The following DPP10 variants were observed in gnomAD, a reference collection of about 807,000 sequenced individuals.
DPP10 encodes the protein dipeptidyl peptidase like 10.
Under a neutral mutation model 120.9 loss-of-function variants are expected in DPP10, and 33 were observed. The observed-to-expected ratio is 0.27, with a 90% CI of 0.21 to 0.37. The LOEUF is 0.37. DPP10 is among the 10% of genes least tolerant of loss of function. The probability of loss-of-function intolerance (pLI) is 1.00; values close to 1 mark genes in which losing one functional copy is unlikely to be tolerated. For synonymous variants in DPP10, 337 were observed against 326.1 expected (o/e 1.03, Z -0.36); for missense variants, 816 against 942.8 (o/e 0.87, Z 1.76).
At chr2:115,354,030 T>C (rs916536618) in intron 3 of DPP10, among the ~76,000 whole-genome samples, 2 of 152,208 alleles carry the variant, frequency 1.3e-5, no homozygotes, top group Non-Finnish European at 2.9e-5. Flanking sequence ...AATGTTTAGA[T>C]ATTTTTAGAA....
intron 2 of DPP10, among the ~76,000 whole-genome samples, chr2:115,325,272 A>G (rs1332451340): frequency 6.6e-6 from 1 of 152,178 alleles, no homozygotes; most frequent in Non-Finnish European, 1.5e-5. Context: ...TGTATTGACC[A>G]GTGACAAATT....
chr2:114,731,619 T>G (rs1022427797), intron 1 of DPP10, among the ~76,000 whole-genome samples: 2 of 152,132 alleles, frequency 1.3e-5, no homozygotes, highest in African/African-American at 4.8e-5. Flanking sequence ...TATGTCCAAT[T>G]TATTCCTACA....
intron 1 of DPP10, among the ~76,000 whole-genome samples, chr2:114,817,154 T>C (rs921106945): frequency 6.6e-6 from 1 of 152,206 alleles, no homozygotes; most frequent in Non-Finnish European, 1.5e-5. Flanking sequence ...CTCAATCAAA[T>C]GCCAATGGCA....
chr2:115,469,900 G>A (rs1666951), intron 3 of DPP10, among the ~76,000 whole-genome samples: 49,315 of 87,752 alleles, frequency 0.56, 11,382 homozygotes, highest in Admixed American at 0.68. Context: ...AAAAAAAAAA[G>A]AAAAAAAAAA....
intron 5 of DPP10, among the ~76,000 whole-genome samples, chr2:115,609,870 T>C (rs1575326645): frequency 6.6e-6 from 1 of 152,206 alleles, no homozygotes; most frequent in African/African-American, 2.4e-5. Context: ...CCATATTGAA[T>C]GGTTGGAATG....
Position 114,752,972 on chromosome 2 carries a change from C to T in DPP10, c.60+310134C>T, listed in dbSNP as rs116192624. 6.8e-3 allele frequency among the ~76,000 whole-genome samples: 1,038 copies of T among 152,284 alleles called. 18 individuals carry two copies. The highest frequency in any genetic ancestry group is 0.023 in the African/African-American group (944 of 41,542). On this transcript the variant is annotated intron_variant, in intron 1 of 25. Coordinates refer to ENST00000410059, the MANE Select transcript of DPP10 (RefSeq NM_020868.6). ...CACGGGCAGCACTGGATCCTGTGAG[C>T]ATCCCTTGATGGGGACCTGCCCATG...
At chr2:115,716,733 C>T (rs538317104) in intron 7 of DPP10, among the ~76,000 whole-genome samples, 2 of 147,988 alleles carry the variant, frequency 1.4e-5, no homozygotes, top group Middle Eastern at 3.4e-3. Flanking sequence ...AACAAACAAA[C>T]ACTATTTATT....
chr2:115,337,180 C>G (rs2063191644), intron 2 of DPP10, among the ~76,000 whole-genome samples: 2 of 151,144 alleles, frequency 1.3e-5, no homozygotes. Flanking sequence ...TTAGTGAATG[C>G]TGTGACATTT....
At chr2:115,667,235 ATAGAT>A (rs1369755482) in intron 5 of DPP10, among the ~76,000 whole-genome samples, 3 of 152,060 alleles carry the variant, frequency 2.0e-5, no homozygotes, top group Non-Finnish European at 4.4e-5. Flanking sequence ...TAAGTTCCTT[ATAGAT>A]TCTGGATATT....
At chr2:115,221,492 TTAA>T (rs2057155441) in intron 1 of DPP10, among the ~76,000 whole-genome samples, 1 of 151,958 alleles carries the variant, frequency 6.6e-6, no homozygotes, top group South Asian at 2.1e-4. Flanking sequence ...GAAAAGAGAG[TTAA>T]TAATAAAAGG....
chr2:114,618,897 A>G (rs1573805644), intron 1 of DPP10, among the ~76,000 whole-genome samples: 2 of 152,104 alleles, frequency 1.3e-5, no homozygotes, highest in East Asian at 1.9e-4. Flanking sequence ...TTTGCGTTGT[A>G]ATTGTCTGGA....
chr2:115,074,411 A>G lies in DPP10; in HGVS notation c.61-234828A>G, dbSNP rs986595419. On this transcript the variant is annotated intron_variant, in intron 1 of 25. Coordinates refer to ENST00000410059, the MANE Select transcript of DPP10 (RefSeq NM_020868.6). Reference sequence around the variant, plus strand: ...TAAGAGCTGAGAGGTTATTCCAAAGATGCTGCACTGAAAAAAACATTCATA... The same window carrying G: ...TAAGAGCTGAGAGGTTATTCCAAAGGTGCTGCACTGAAAAAAACATTCATA... Among the ~76,000 whole-genome samples the G allele has an allele frequency of 3.3e-5, 5 of 152,186 alleles. No homozygotes were observed. In the South Asian group the frequency reaches 1.0e-3, roughly 31 times the overall value.
At chr2:115,370,066 C>G (rs757743846) in intron 3 of DPP10, among the ~76,000 whole-genome samples, 7 of 152,110 alleles carry the variant, frequency 4.6e-5, no homozygotes, top group Non-Finnish European at 7.4e-5. Context: ...TCAACCAGAA[C>G]AGTCTCACTT....
At chr2:115,762,484 A>T (rs1680232830) in intron 11 of DPP10, 88 bp from the exon 12 acceptor site, 1 of 1,402,414 alleles carries the variant, frequency 7.1e-7, no homozygotes, top group Non-Finnish European at 1.0e-6. Context: ...AGGGAAAAAA[A>T]ACTGATAACC....
chr2:115,691,053 A>G lies in DPP10; in HGVS notation c.576+1132A>G, dbSNP rs556960495. ...AGCAACTTTTCATATGGTTACTGGCAATTTGTATTTTTTCATATGTGAAAT... is the reference window on the plus strand; with the variant it reads ...AGCAACTTTTCATATGGTTACTGGCGATTTGTATTTTTTCATATGTGAAAT... On this transcript the variant is annotated intron_variant, in intron 7 of 25. Transcript: ENST00000410059. Among the ~76,000 whole-genome samples, 22 of 152,256 alleles carry G rather than the reference A, an allele frequency of 1.4e-4. 1 individual carries two copies. In the South Asian group the frequency reaches 4.6e-3, roughly 32 times the overall value.
chr2:114,646,719 T>C lies in DPP10; in HGVS notation c.60+203881T>C, dbSNP rs1478265156. ...GGGCAGGCTGGGCACCCTTTCAGTATTTTATGTCTGCATCTTTGAATGAGT... is the reference window on the plus strand; with the variant it reads ...GGGCAGGCTGGGCACCCTTTCAGTACTTTATGTCTGCATCTTTGAATGAGT... On this transcript the variant is annotated intron_variant, in intron 1 of 25. Transcript: ENST00000410059. 1.3e-5 allele frequency among the ~76,000 whole-genome samples: 2 copies of C among 152,172 alleles called. 1 individual carries two copies. Among genetic ancestry groups the C allele is most frequent in the Admixed American group, 1.3e-4 (2 of 15,282 alleles).
intron 1 of DPP10, among the ~76,000 whole-genome samples, chr2:114,563,458 AAAATGACAGACCG>A (rs1688935008): frequency 2.6e-5 from 4 of 152,194 alleles, no homozygotes; most frequent in Admixed American, 2.6e-4. Flanking sequence ...CTAGACTTCC[AAAATGACAGACCG>A]AGGAATGGGC....
At chr2:115,518,003 T>C (rs1052551371) in intron 4 of DPP10, among the ~76,000 whole-genome samples, 41 of 152,178 alleles carry the variant, frequency 2.7e-4, no homozygotes, top group African/African-American at 9.6e-4. Context: ...AAGGGCAGCC[T>C]GCATGTGCAG....
chr2:114,544,622 C>T (rs1224896605), intron 1 of DPP10, among the ~76,000 whole-genome samples: 1 of 151,816 alleles, frequency 6.6e-6, no homozygotes, highest in East Asian at 1.9e-4. Flanking sequence ...ATTGGGGGGA[C>T]TCAAATTTGT....
Sources: gnomAD v4.1 joint callset for allele counts (sites outside exome capture counted in the v4.1 genomes callset) on GRCh38, gnomAD v4.1.1 for gene constraint, MANE v1.5 for transcripts, NCBI Gene and HGNC (gene_info 2026-07-23, HGNC 2026-07-21) for gene names.